KCNIP4: variants seen among roughly 807,000 people sequenced by gnomAD.
KCNIP4 encodes Kv channel-interacting protein 4.
KCNIP4 carries 12 observed loss-of-function variants against 34.0 expected under a neutral mutation model. The observed-to-expected ratio is 0.35, with a 90% CI of 0.23 to 0.57. The LOEUF is 0.57. Among genes scored for constraint, KCNIP4 ranks in the 20% least tolerant of loss-of-function variants. The pLI, the probability that KCNIP4 is intolerant of heterozygous loss-of-function variation, is 0.83. For synonymous variants in KCNIP4, 124 were observed against 102.2 expected (o/e 1.21, Z -1.29); for missense variants, 238 against 311.7 (o/e 0.76, Z 1.78).
chr4:21,635,289 T>C (rs144473475), intron 1 of KCNIP4, among the ~76,000 whole-genome samples: 27 of 152,316 alleles, frequency 1.8e-4, no homozygotes, highest in Admixed American at 1.8e-3. Flanking sequence ...ATTAAAGTTC[T>C]GTTTTAAGTG....
intron 1 of KCNIP4, among the ~76,000 whole-genome samples, chr4:21,925,609 C>T (rs1398532175): frequency 6.6e-6 from 1 of 151,996 alleles, no homozygotes; most frequent in Non-Finnish European, 1.5e-5. Flanking sequence ...AATTCCTTTT[C>T]CCCCCACCCT....
At chr4:21,688,766 G>A (rs1319388300) in intron 1 of KCNIP4, among the ~76,000 whole-genome samples, 1 of 151,906 alleles carries the variant, frequency 6.6e-6, no homozygotes, top group African/African-American at 2.4e-5. Context: ...GGACCATTTA[G>A]CTTTTTAGCA....
intron 1 of KCNIP4, among the ~76,000 whole-genome samples, chr4:21,447,001 A>G (rs1021299029): frequency 1.3e-5 from 2 of 149,832 alleles, no homozygotes; most frequent in African/African-American, 4.9e-5. Flanking sequence ...TGCATACAGA[A>G]AAAAAAAAAG....
chr4:21,602,443 T>C (rs1391092596), intron 1 of KCNIP4, among the ~76,000 whole-genome samples: 1 of 151,836 alleles, frequency 6.6e-6, no homozygotes, highest in Non-Finnish European at 1.5e-5. Context: ...CATACCAGAG[T>C]GTAGATAAGA....
intron 1 of KCNIP4, among the ~76,000 whole-genome samples, chr4:21,178,015 A>G (rs1431983792): frequency 6.6e-6 from 1 of 152,094 alleles, no homozygotes; most frequent in African/African-American, 2.4e-5. Context: ...CAAATCTATT[A>G]GCATGCCCCA....
At chr4:20,797,225 C>T (rs1447161348) in intron 3 of KCNIP4, among the ~76,000 whole-genome samples, 1 of 152,162 alleles carries the variant, frequency 6.6e-6, no homozygotes, top group Non-Finnish European at 1.5e-5. Flanking sequence ...CAGAAGTACA[C>T]AGATATAAGG....
At chr4:21,742,888 G>A (rs1336400172) in intron 1 of KCNIP4, among the ~76,000 whole-genome samples, 1 of 151,772 alleles carries the variant, frequency 6.6e-6, no homozygotes, top group Non-Finnish European at 1.5e-5. Flanking sequence ...GATATCTCGG[G>A]GTAGTGGGAT....
chr4:21,286,017 A>AC (rs1170479933), intron 1 of KCNIP4, among the ~76,000 whole-genome samples: 1 of 152,178 alleles, frequency 6.6e-6, no homozygotes, highest in African/African-American at 2.4e-5. Context: ...TCGCCAGAGC[A>AC]CTCAGAGCCT....
rs59134256 is a variant in KCNIP4, at chr4:20,842,581, C to CAAAAAAAAAAAAA, written c.288+7949_288+7961dup. 2.2e-4 allele frequency among the ~76,000 whole-genome samples: 15 copies of CAAAAAAAAAAAAA among 69,692 alleles called. 2 individuals carry two copies. The highest frequency in any genetic ancestry group is 8.8e-4 in the African/African-American group (15 of 17,064). The allele number at this position is 69,692 out of a possible 152,430, so 45.7% of individuals were successfully genotyped here. ...GGCAATTGAGTCTCTCTTCTAATGGCAAAAAAAAAAAAAAAAAAAAAAAAA... is the reference window on the plus strand; with the variant it reads ...GGCAATTGAGTCTCTCTTCTAATGGCAAAAAAAAAAAAAAAAAAAAAAAAAAAAAAAAAAAAAA... On this transcript the variant is annotated intron_variant, in intron 3 of 8. Coordinates refer to ENST00000382152, the MANE Select transcript of KCNIP4 (RefSeq NM_025221.6).
At chr4:21,506,204 C>A (rs1733835464) in intron 1 of KCNIP4, among the ~76,000 whole-genome samples, 1 of 152,048 alleles carries the variant, frequency 6.6e-6, no homozygotes. Context: ...TTTAATTTTT[C>A]ATTTACATTT....
At chr4:20,834,280 G>A (rs1021923713) in intron 3 of KCNIP4, among the ~76,000 whole-genome samples, 13 of 152,180 alleles carry the variant, frequency 8.5e-5, no homozygotes, top group Non-Finnish European at 1.8e-4. Context: ...GCTCAGTGGG[G>A]TGTCTTGAAT....
chr4:21,266,157 C>A (rs1431587578), intron 1 of KCNIP4, among the ~76,000 whole-genome samples: 1 of 152,164 alleles, frequency 6.6e-6, no homozygotes, highest in African/African-American at 2.4e-5. Flanking sequence ...ACAGAGCCCA[C>A]ACTGATAACA....
chr4:21,050,430 T>C (rs1742822227), intron 1 of KCNIP4, among the ~76,000 whole-genome samples: 3 of 152,196 alleles, frequency 2.0e-5, no homozygotes, highest in Admixed American at 2.0e-4. Context: ...TTTCTCGGTA[T>C]CAATAAAAAT....
intron 1 of KCNIP4, among the ~76,000 whole-genome samples, chr4:21,762,750 T>C (rs920622127): frequency 5.3e-5 from 8 of 152,122 alleles, no homozygotes; most frequent in Non-Finnish European, 1.0e-4. Flanking sequence ...GTGGGCTGGG[T>C]CAACGAGACT....
chr4:21,580,395 C>T (rs748619247), intron 1 of KCNIP4, among the ~76,000 whole-genome samples: 16 of 152,062 alleles, frequency 1.1e-4, no homozygotes, highest in Non-Finnish European at 2.1e-4. Flanking sequence ...TGTTTTAAAG[C>T]CAGCCTTCTT....
In KCNIP4 at chr4:21,166,972, GTGGA is replaced by G. The variant is rs372189452; in HGVS notation, c.62-284267_62-284264del. 3.1e-3 allele frequency among the ~76,000 whole-genome samples: 456 copies of G among 145,228 alleles called. 2 individuals carry two copies. The highest frequency in any genetic ancestry group is 4.6e-3 in the Non-Finnish European group (308 of 67,112). On this transcript the variant is annotated intron_variant, in intron 1 of 8. Coordinates refer to ENST00000382152, the MANE Select transcript of KCNIP4 (RefSeq NM_025221.6). ...AAAAAAAAAAAAAAAAAAGAAGTGA[GTGGA>G]TGGATGGATGGATAAGCAAACTGTT...
At chr4:20,972,870 C>T (rs1364879503) in intron 1 of KCNIP4, among the ~76,000 whole-genome samples, 1 of 152,138 alleles carries the variant, frequency 6.6e-6, no homozygotes, top group Non-Finnish European at 1.5e-5. Context: ...ATGGAAATAG[C>T]AAGATAACTA....
intron 1 of KCNIP4, among the ~76,000 whole-genome samples, chr4:21,760,338 T>A (rs10007968): frequency 4.6e-5 from 7 of 152,032 alleles, no homozygotes; most frequent in Non-Finnish European, 1.0e-4. Context: ...GTAATAACCA[T>A]GCCAAGAAAA....
intron 3 of KCNIP4, among the ~76,000 whole-genome samples, chr4:20,770,108 TC>T (rs1357952798): frequency 3.5e-4 from 53 of 152,344 alleles, no homozygotes; most frequent in African/African-American, 1.3e-3. Context: ...ACAGCCTGCT[TC>T]TTCTGAACAT....
Sources: allele counts gnomAD v4.1 joint callset (sites outside exome capture counted in the v4.1 genomes callset), GRCh38; gene constraint gnomAD v4.1.1; transcripts MANE v1.5; gene names NCBI Gene and HGNC (gene_info 2026-07-23, HGNC 2026-07-21).